ZNF618: variants seen among roughly 807,000 people sequenced by gnomAD.
ZNF618 encodes neural precursor cell expressed, developmentally down-regulated 10.
In ZNF618, 34 loss-of-function variants were observed where a neutral mutation model predicts 103.0. The ratio of observed to expected loss-of-function variants is 0.33; its 90% confidence interval spans 0.25 to 0.44. The LOEUF (loss-of-function observed/expected upper bound fraction) is 0.44. Ranked by LOEUF, ZNF618 falls within the 20% of genes least tolerant of loss-of-function variation. The pLI is 1.00. For missense variants in ZNF618, 1,059 were observed against 1,295.4 expected, an observed-to-expected ratio of 0.82 and a Z score of 2.80; for synonymous variants, 551 against 542.2, an observed-to-expected ratio of 1.02 and a Z score of -0.23.
Position 113,939,927 on chromosome 9 carries a change from A to C in ZNF618, c.34-29190A>C, listed in dbSNP as rs192656911. Among the ~76,000 whole-genome samples, 67 of 152,128 alleles carry C rather than the reference A, an allele frequency of 4.4e-4. No homozygotes were observed. The South Asian group carries it at 0.012, about 26-fold the overall frequency. ...TTCCAAGAACATGCTCTTATGTTTAATATCAAGTGTTTCGTTTTCTATTTC... is the reference window on the plus strand; with the variant it reads ...TTCCAAGAACATGCTCTTATGTTTACTATCAAGTGTTTCGTTTTCTATTTC... On this transcript the variant is annotated intron_variant, in intron 1 of 14. Coordinates refer to ENST00000374126, the MANE Select transcript of ZNF618 (RefSeq NM_001318042.2).
At chr9:113,889,336 T>TCC (rs1829384563) in intron 1 of ZNF618, among the ~76,000 whole-genome samples, 1 of 150,706 alleles carries the variant, frequency 6.6e-6, no homozygotes, top group South Asian at 2.1e-4. Flanking sequence ...TCTCTCTCTC[T>TCC]CTCTCTCTCT....
intron 2 of ZNF618, among the ~76,000 whole-genome samples, chr9:113,975,059 T>C (rs888315289): frequency 6.6e-6 from 1 of 152,146 alleles, no homozygotes; most frequent in Non-Finnish European, 1.5e-5. Context: ...ATTACTACCA[T>C]GGTGGATTCT....
chr9:113,880,489 A>G (rs1302062994), intron 1 of ZNF618, among the ~76,000 whole-genome samples: 6 of 152,220 alleles, frequency 3.9e-5, no homozygotes, highest in Non-Finnish European at 7.3e-5. Flanking sequence ...TTCTGAGGCC[A>G]TATCCCGACT....
intron 1 of ZNF618, among the ~76,000 whole-genome samples, chr9:113,897,325 C>T (rs1830114461): frequency 1.3e-5 from 2 of 152,084 alleles, no homozygotes; most frequent in South Asian, 4.1e-4. Flanking sequence ...GTTCTGTAGT[C>T]TTATGTTATT....
At chr9:113,910,150 C>G (rs1485796782) in intron 1 of ZNF618, among the ~76,000 whole-genome samples, 1 of 152,044 alleles carries the variant, frequency 6.6e-6, no homozygotes, top group Admixed American at 6.5e-5. Flanking sequence ...CTAAATGGCT[C>G]TCCTAGATAC....
intron 1 of ZNF618, among the ~76,000 whole-genome samples, chr9:113,938,281 C>G (rs150597438): frequency 3.7e-4 from 53 of 143,046 alleles, no homozygotes; most frequent in Non-Finnish European, 7.3e-4. Context: ...TCCAGTGATT[C>G]TCCTGCCTCA....
intron 2 of ZNF618, among the ~76,000 whole-genome samples, chr9:113,980,211 G>A (rs1838851930): frequency 6.6e-6 from 1 of 152,162 alleles, no homozygotes; most frequent in African/African-American, 2.4e-5. Context: ...TATTGTCTTA[G>A]ATGGCAGGTT....
At chr9:113,946,233 A>T (rs1286677373) in intron 1 of ZNF618, among the ~76,000 whole-genome samples, 1 of 152,206 alleles carries the variant, frequency 6.6e-6, no homozygotes, top group Non-Finnish European at 1.5e-5. Flanking sequence ...GGGGTGTTAA[A>T]GCTTTCGGGG....
intron 1 of ZNF618, among the ~76,000 whole-genome samples, chr9:113,895,784 C>T (rs16910363): frequency 0.036 from 5,458 of 152,082 alleles, 561 homozygotes; most frequent in East Asian, 0.3. Context: ...TTATATTGCA[C>T]GGGAATTATC....
Position 114,049,966 on chromosome 9 carries a change from T to G in ZNF618, c.2664T>G (p.Asp888Glu). The change falls in exon 15 of 15, where the codon GAT becomes GAG. Residue 888 changes from aspartate (D) to glutamate (E), a missense_variant. Transcript: ENST00000374126. ...LQEPLFQATPDLFQYWSCVTQ... is the reference protein window; with the variant it reads ...LQEPLFQATPELFQYWSCVTQ... Reference sequence around the variant, plus strand: ...AGCCCCTCTTCCAGGCTACCCCTGATCTCTTCCAGTACTGGTCGTGCGTTA... The same window carrying G: ...AGCCCCTCTTCCAGGCTACCCCTGAGCTCTTCCAGTACTGGTCGTGCGTTA... 1 of 1,613,960 alleles carries G rather than the reference T, an allele frequency of 6.2e-7. No individual in the cohort carries two copies. The highest frequency in any genetic ancestry group is 8.5e-7 in the Non-Finnish European group (1 of 1,179,898).
intron 12 of ZNF618, among the ~76,000 whole-genome samples, chr9:114,035,891 T>G (rs1263009024): frequency 1.3e-5 from 2 of 152,224 alleles, no homozygotes; most frequent in Non-Finnish European, 2.9e-5. Flanking sequence ...ATTTGTTCAC[T>G]TGGCAAATAG....
chr9:113,890,272 C>T (rs1266343219), intron 1 of ZNF618, among the ~76,000 whole-genome samples: 1 of 152,140 alleles, frequency 6.6e-6, no homozygotes, highest in African/African-American at 2.4e-5. Context: ...AAAAAATCAC[C>T]TGAAATGCCG....
At chr9:113,928,800 T>C (rs964257969) in intron 1 of ZNF618, among the ~76,000 whole-genome samples, 4 of 152,182 alleles carry the variant, frequency 2.6e-5, no homozygotes, top group Non-Finnish European at 4.4e-5. Flanking sequence ...TAGTCTATAC[T>C]CTCATGATTC....
intron 2 of ZNF618, among the ~76,000 whole-genome samples, chr9:113,987,607 A>G (rs1020393973): frequency 6.6e-6 from 1 of 152,200 alleles, no homozygotes; most frequent in African/African-American, 2.4e-5. Context: ...AGCACTGGAT[A>G]TCGCGTACAT....
At chr9:113,901,674 T>A (rs772935287) in intron 1 of ZNF618, among the ~76,000 whole-genome samples, 132 of 152,266 alleles carry the variant, frequency 8.7e-4, no homozygotes, top group Non-Finnish European at 1.2e-3. Flanking sequence ...CGGGGTCTCG[T>A]AGCTCATAAA....
At chr9:114,000,828 G>C (rs1270333869) in intron 4 of ZNF618, among the ~76,000 whole-genome samples, 2 of 152,180 alleles carry the variant, frequency 1.3e-5, no homozygotes, top group East Asian at 3.8e-4. Context: ...TTTTTCCCAG[G>C]AGGAAATTGA....
intron 1 of ZNF618, among the ~76,000 whole-genome samples, chr9:113,948,719 G>A (rs1835277667): frequency 1.3e-5 from 2 of 152,208 alleles, no homozygotes; most frequent in Non-Finnish European, 2.9e-5. Context: ...GCCGTGTTGG[G>A]GAAGCAGTGG....
intron 8 of ZNF618, 39 bp from the exon 9 acceptor site, chr9:114,008,438 G>A: frequency 6.2e-7 from 1 of 1,613,566 alleles, no homozygotes. Context: ...CCTGAGACCT[G>A]GGGGACCAGG....
chr9:114,016,825 C>G (rs575918628), intron 10 of ZNF618, 41 bp downstream of exon 10: 1 of 1,544,120 alleles, frequency 6.5e-7, no homozygotes. Flanking sequence ...TTGGGGGACC[C>G]GGGACAGGGT....
Sources: gnomAD v4.1 joint callset for allele counts (sites outside exome capture counted in the v4.1 genomes callset) on GRCh38, gnomAD v4.1.1 for gene constraint, MANE v1.5 for transcripts, NCBI Gene and HGNC (gene_info 2026-07-23, HGNC 2026-07-21) for gene names.